NFYC: variants seen among roughly 807,000 people sequenced by gnomAD.
The protein encoded by NFYC is CAAT box DNA-binding protein subunit C.
NFYC carries 25 observed loss-of-function variants against 53.1 expected under a neutral mutation model. The observed-to-expected ratio is 0.47, with a 90% CI of 0.34 to 0.66. The LOEUF (loss-of-function observed/expected upper bound fraction) is 0.66, where lower values mean the gene tolerates loss of function less well. Ranked by LOEUF, NFYC falls within the 30% of genes least tolerant of loss-of-function variation. The pLI is 0.01. For synonymous variants in NFYC, 145 were observed against 152.6 expected (o/e 0.95, Z 0.37); for missense variants, 260 against 422.7 (o/e 0.62, Z 3.38).
chr1:40,744,666 C>G (rs1404697540), intron 2 of NFYC, among the ~76,000 whole-genome samples: 1 of 152,244 alleles, frequency 6.6e-6, no homozygotes, highest in Non-Finnish European at 1.5e-5. Flanking sequence ...GAGAGATAAT[C>G]TGCTCTTCTG....
Position 40,762,895 on chromosome 1 carries a change from C to G in NFYC, c.569C>G (p.Pro190Arg), listed in dbSNP as rs1646623644. ...IAQPQQGQTT[P>R]VTMQVGEGQQ... is the part of the protein sequence containing the mutation. Reference sequence around the variant, plus strand: ...CATAACTCTTCCTTTCAGACCACACCTGTGACAATGCAGGTTGGAGAAGGT... The same window carrying G: ...CATAACTCTTCCTTTCAGACCACACGTGTGACAATGCAGGTTGGAGAAGGT... The change falls in exon 7 of 10, where the codon CCT (proline) becomes CGT (arginine). Residue 190 changes from proline to arginine, a missense_variant. Transcript: ENST00000447388. 1.2e-6 allele frequency: 2 copies of G among 1,600,890 alleles called. No homozygotes were observed. The highest frequency in any genetic ancestry group is 1.7e-6 in the Non-Finnish European group (2 of 1,172,748).
intron 1 of NFYC, among the ~76,000 whole-genome samples, chr1:40,707,696 G>A (rs188750442): frequency 2.8e-4 from 43 of 151,072 alleles, no homozygotes; most frequent in African/African-American, 9.9e-4. Context: ...AAAAATTAGC[G>A]GGGGTGGTAG....
intron 6 of NFYC, among the ~76,000 whole-genome samples, chr1:40,759,633 TA>T (rs1214363236): frequency 1.3e-5 from 2 of 151,804 alleles, no homozygotes; most frequent in African/African-American, 2.4e-5. Context: ...TGTATGTATG[TA>T]GGGGAGGGGA....
intron 1 of NFYC, among the ~76,000 whole-genome samples, chr1:40,725,969 G>C (rs1452014071): frequency 6.6e-6 from 1 of 152,172 alleles, no homozygotes; most frequent in African/African-American, 2.4e-5. Context: ...TGGTAAAAAT[G>C]CAAATTATCA....
intron 8 of NFYC, 93 bp downstream of exon 8, chr1:40,766,796 A>T (rs1570750012): frequency 1.3e-6 from 2 of 1,486,818 alleles, no homozygotes; most frequent in Non-Finnish European, 1.9e-6. Flanking sequence ...CTGTCTTGCC[A>T]CCTCATCCTT....
rs1228848126 is a variant in NFYC at position 40,770,418 on chromosome 1, C to T, written c.889-291C>T. On this transcript the variant is annotated intron_variant, in intron 9 of 9. Coordinates refer to ENST00000447388, the MANE Select transcript of NFYC (RefSeq NM_014223.5). This position sits in a 1 kb window ranked among gnomAD's most constrained non-coding sequence, Gnocchi z 5.3. ...ACAGAGGAACAGCGTGCAGCAAGCT[C>T]GAGTCTCTGAGCTAACGGGAGAGGC... The T allele has an allele frequency of 6.5e-7, 1 of 1,548,600 alleles. No individual in the cohort carries two copies. The highest frequency in any genetic ancestry group is 8.7e-7 in the Non-Finnish European group (1 of 1,145,488).
rs3754176 is a variant in NFYC at position 40,770,274 on chromosome 1, G to A, written c.889-435G>A. The A allele has an allele frequency of 0.38, 362,933 of 944,986 alleles. 72,047 individuals carry two copies. Among genetic ancestry groups the A allele is most frequent in the Non-Finnish European group, 0.41 (263,828 of 645,700 alleles). The allele number at this position is 944,986 out of a possible 1,614,324, so 58.5% of individuals were successfully genotyped here. A position where few individuals can be genotyped will look rare whatever the true frequency, so the allele number is the denominator to read the frequency against. On this transcript the variant is annotated intron_variant, in intron 9 of 9. Transcript: ENST00000447388. This position sits in a 1 kb window ranked among gnomAD's most constrained non-coding sequence, Gnocchi z 5.3. ...AGTTTCAACCTGAGCCAGATATTCT[G>A]AGAAAAGAAGGAGAGGAGGGGGTAA... is the stretch of plus-strand genomic sequence containing the variant.
chr1:40,756,989 G>T (rs1414801168), intron 5 of NFYC, among the ~76,000 whole-genome samples: 1 of 152,218 alleles, frequency 6.6e-6, no homozygotes, highest in Admixed American at 6.5e-5. Flanking sequence ...TGTGGGGATG[G>T]GGTCAATACC....
At position 40,770,866 on chromosome 1, in the gene NFYC, T is replaced by C; in HGVS notation, c.*38T>C. On this transcript the variant is annotated 3_prime_UTR_variant, in exon 10 of 10. Coordinates refer to ENST00000447388, the MANE Select transcript of NFYC (RefSeq NM_014223.5). This position sits in a 1 kb window ranked among gnomAD's most constrained non-coding sequence, Gnocchi z 5.3. Reference sequence around the variant, plus strand: ...GCAAGGCCAAGGACACCCAACACAATTTTTGCCATACAGCCCCAGGCAATG... The same window carrying C: ...GCAAGGCCAAGGACACCCAACACAACTTTTGCCATACAGCCCCAGGCAATG... 6.3e-7 allele frequency: 1 copy of C among 1,598,840 alleles called. No individual in the cohort carries two copies. Among genetic ancestry groups the C allele is most frequent in the African/African-American group, 1.3e-5 (1 of 74,964 alleles).
chr1:40,763,082 A>T, intron 7 of NFYC, 36 bp downstream of exon 7: 2 of 1,505,678 alleles, frequency 1.3e-6, no homozygotes, highest in South Asian at 2.6e-5. Context: ...TTACAACTTT[A>T]TAGAAGGAAA....
At position 40,771,079 on chromosome 1, in the gene NFYC, A is replaced by G. The variant is rs528346724; in HGVS notation, c.*251A>G. The G allele has an allele frequency of 8.4e-4, 455 of 541,132 alleles. 9 individuals carry two copies. The South Asian group carries it at 0.012, about 14-fold the overall frequency. 33.5% of individuals were successfully genotyped at this position (541,132 alleles called of 1,614,324 possible). A position where few individuals can be genotyped will look rare whatever the true frequency, so the allele number is the denominator to read the frequency against. ...TTTCAATATGTTGAGTGTGTGTCCA[A>G]TGCTATGAAATTAAAATATTAAATA... On this transcript the variant is annotated 3_prime_UTR_variant, in exon 10 of 10. Coordinates refer to ENST00000447388, the MANE Select transcript of NFYC (RefSeq NM_014223.5).
At chr1:40,754,530 C>T (rs993330125) in intron 5 of NFYC, 1 of 441,684 alleles carries the variant, frequency 2.3e-6, no homozygotes, top group East Asian at 6.5e-5. Context: ...GGGTCCTTCC[C>T]TCCTCTCTCA....
intron 2 of NFYC, among the ~76,000 whole-genome samples, chr1:40,739,538 C>T (rs1001944621): frequency 3.9e-5 from 6 of 152,112 alleles, no homozygotes; most frequent in African/African-American, 1.2e-4. Flanking sequence ...CACCCCTCCC[C>T]GAGTTGTGAC....
chr1:40,738,208 C>G (rs1007992060), intron 1 of NFYC, among the ~76,000 whole-genome samples: 3 of 152,152 alleles, frequency 2.0e-5, no homozygotes, highest in Non-Finnish European at 4.4e-5. Context: ...GGCCCTCTCT[C>G]TTTTTTTAAG....
chr1:40,705,971 C>T (rs1240216722), intron 1 of NFYC, among the ~76,000 whole-genome samples: 2 of 152,140 alleles, frequency 1.3e-5, no homozygotes, highest in East Asian at 3.8e-4. Context: ...GTCTCAAATG[C>T]CTGAGCTCAA....
At chr1:40,706,289 T>C (rs933205117) in intron 1 of NFYC, among the ~76,000 whole-genome samples, 2 of 151,992 alleles carry the variant, frequency 1.3e-5, no homozygotes, top group Non-Finnish European at 2.9e-5. Flanking sequence ...AAGGGTATTG[T>C]AGTGAGAATT....
At chr1:40,745,206 G>T (rs1021691614) in intron 2 of NFYC, among the ~76,000 whole-genome samples, 4 of 152,196 alleles carry the variant, frequency 2.6e-5, no homozygotes, top group African/African-American at 9.7e-5. Flanking sequence ...TTTGGGGAAA[G>T]AGGTCTTTTT....
intron 5 of NFYC, 140 bp downstream of exon 5, chr1:40,753,386 TCTC>T (rs1407790881): frequency 1.6e-5 from 9 of 577,596 alleles, no homozygotes; most frequent in Non-Finnish European, 2.8e-5. Flanking sequence ...ATTCTTAACA[TCTC>T]CTTCTGTTAC....
chr1:40,757,229 C>T (rs533785714), intron 5 of NFYC: 117 of 419,012 alleles, frequency 2.8e-4, no homozygotes, highest in East Asian at 4.5e-4. Flanking sequence ...CCGGATCAGA[C>T]GCCGTTCTGT....
Sources: allele counts gnomAD v4.1 joint callset (sites outside exome capture counted in the v4.1 genomes callset), GRCh38; gene constraint gnomAD v4.1.1; non-coding constraint Gnocchi (gnomAD v3.1); transcripts MANE v1.5; gene names NCBI Gene and HGNC (gene_info 2026-07-23, HGNC 2026-07-21).